The following MAPK6 variants were observed in gnomAD, a reference collection of about 807,000 sequenced individuals.
MAPK6 encodes ERK-3.
In MAPK6, 19 loss-of-function variants were observed where a neutral mutation model predicts 59.3. That is an observed-to-expected ratio of 0.32 (90% confidence interval 0.22 to 0.47). The LOEUF is 0.47. Among genes scored for constraint, MAPK6 ranks in the 20% least tolerant of loss-of-function variants. The probability of loss-of-function intolerance (pLI) is 1.00; values close to 1 mark genes in which losing one functional copy is unlikely to be tolerated. For synonymous variants in MAPK6, 316 were observed against 290.3 expected (o/e 1.09, Z -0.90); for missense variants, 724 against 847.9 (o/e 0.85, Z 1.81).
At chr15:51,994,854 C>A (rs1280876861) in intron 2 of MAPK6, among the ~76,000 whole-genome samples, 1 of 152,108 alleles carries the variant, frequency 6.6e-6, no homozygotes, top group Non-Finnish European at 1.5e-5. Context: ...AATAAATGGC[C>A]TGTAATCTAG....
intron 3 of MAPK6, among the ~76,000 whole-genome samples, chr15:52,058,062 G>C (rs2032052795): frequency 1.3e-5 from 2 of 152,178 alleles, no homozygotes; most frequent in African/African-American, 4.8e-5. Flanking sequence ...TTTTGAGACA[G>C]GGTCTCACTC....
At chr15:52,051,161 C>T (rs2031765271) in intron 3 of MAPK6, among the ~76,000 whole-genome samples, 1 of 152,058 alleles carries the variant, frequency 6.6e-6, no homozygotes, top group South Asian at 2.1e-4. Context: ...AGGTTCACAC[C>T]ATTCTCCTGC....
chr15:51,991,136 AATAT>A lies in MAPK6; in HGVS notation c.-770+7831_-770+7834del, dbSNP rs375294325. ...AGAGCGAAATTCCATCTCAAAAAGA[AATAT>A]ATATATATACACACACACACACACA... On this transcript the variant is annotated intron_variant, in intron 2 of 7. Transcript: ENST00000691380. 1.8e-3 allele frequency among the ~76,000 whole-genome samples: 255 copies of A among 139,476 alleles called. 2 individuals carry two copies. The highest frequency in any genetic ancestry group is 7.0e-3 in the African/African-American group (244 of 34,792). The allele number at this position is 139,476 out of a possible 152,430, so 91.5% of individuals were successfully genotyped here.
At chr15:52,021,875 A>G (rs141586746) in intron 1 of MAPK6, among the ~76,000 whole-genome samples, 31 of 152,116 alleles carry the variant, frequency 2.0e-4, no homozygotes, top group Admixed American at 1.5e-3. Context: ...ATTAGTCACT[A>G]TTTTTCATGG....
At chr15:51,974,825 C>G (rs1431741384) in intron 1 of MAPK6, among the ~76,000 whole-genome samples, 1 of 150,812 alleles carries the variant, frequency 6.6e-6, no homozygotes, top group African/African-American at 2.4e-5. Context: ...TCAAGTGATT[C>G]TCCTGTCTCA....
At chr15:52,043,498 A>G (rs2031492265) in intron 1 of MAPK6, among the ~76,000 whole-genome samples, 1 of 151,868 alleles carries the variant, frequency 6.6e-6, no homozygotes, top group African/African-American at 2.4e-5. Context: ...GGGTTTCTCC[A>G]TGTTGGTAGG....
rs535430008 is a variant in MAPK6 at position 52,064,478 on chromosome 15, T to C, written c.1644T>C (p.Asp548=). Residue 548 remains aspartate (D), a synonymous_variant, in exon 6 of 6, where the codon GAT becomes GAC. Transcript: ENST00000261845. The stretch of plus-strand genomic sequence containing the variant: ...AGCATGAGCCTACTGATGTTGTTGA[T>C]AAATTAAATGACTTGAATAGCTCAG... The part of the protein sequence containing the change: ...SSQHEPTDVV[D]KLNDLNSSVS... The C allele has an allele frequency of 2.5e-6, 4 of 1,608,372 alleles. No individual in the cohort carries two copies. The highest frequency in any genetic ancestry group is 3.4e-6 in the Non-Finnish European group (4 of 1,178,072).
intron 4 of MAPK6, among the ~76,000 whole-genome samples, chr15:52,059,578 G>A (rs774333316): frequency 6.6e-6 from 1 of 152,228 alleles, no homozygotes; most frequent in African/African-American, 2.4e-5. Flanking sequence ...CCACTTCAGA[G>A]TAGTTGTCAC....
chr15:52,014,703 T>TAAAAA (rs796259080), upstream of MAPK6, among the ~76,000 whole-genome samples: 2 of 119,460 alleles, frequency 1.7e-5, no homozygotes, highest in Admixed American at 1.7e-4. Context: ...TGAGATTTTC[T>TAAAAA]AAAAAAAAAA....
chr15:51,984,447 ATTTT>A (rs71130112), intron 2 of MAPK6, among the ~76,000 whole-genome samples: 1,228 of 69,848 alleles, frequency 0.018, 3 homozygotes, highest in African/African-American at 0.073. Context: ...ACGCCGGCTA[ATTTT>A]TTTTTTTTTT....
rs2032445345 is a variant in MAPK6, at chr15:52,067,170, C to T, written c.*2170C>T. On this transcript the variant is annotated 3_prime_UTR_variant, in exon 6 of 6. Transcript: ENST00000261845. ...AAACTTGGCTCCTGGACTTAATCCA[C>T]ATTCGTTAAACTGTCACCTTGGCAG... is the stretch of plus-strand genomic sequence containing the variant. 6.6e-6 allele frequency: 1 copy of T among 152,170 alleles called. No individual in the cohort carries two copies. Among genetic ancestry groups the T allele is most frequent in the South Asian group, 2.1e-4 (1 of 4,830 alleles). 9.4% of individuals were successfully genotyped at this position (152,170 alleles called of 1,614,324 possible).
Position 51,992,267 on chromosome 15 carries a change from T to TTATC in MAPK6, c.-770+8976_-770+8979dup, listed in dbSNP as rs534947314. 4.6e-3 allele frequency among the ~76,000 whole-genome samples: 639 copies of TTATC among 139,920 alleles called. 17 individuals are homozygous for TTATC. The highest frequency in any genetic ancestry group is 0.015 in the African/African-American group (525 of 35,318). The allele number at this position is 139,920 out of a possible 152,430, so 91.8% of individuals were successfully genotyped here. A position where few individuals can be genotyped will look rare whatever the true frequency, so the allele number is the denominator to read the frequency against. ...GCCACCGCACCCGGCTGTCCCTCAT[T>TTATC]TATCTATCTATCTATCTATCTATCT... On this transcript the variant is annotated intron_variant, in intron 2 of 7. Transcript: ENST00000691380.
chr15:51,982,534 T>C (rs1033676009), intron 1 of MAPK6, among the ~76,000 whole-genome samples: 1 of 152,150 alleles, frequency 6.6e-6, no homozygotes, highest in African/African-American at 2.4e-5. Context: ...CACTTACTAA[T>C]TTTTCTTTAG....
intron 2 of MAPK6, among the ~76,000 whole-genome samples, chr15:51,991,214 T>TAC (rs1403936115): frequency 6.6e-6 from 1 of 151,950 alleles, no homozygotes; most frequent in Non-Finnish European, 1.5e-5. Context: ...TGTACATATG[T>TAC]ATATATATGT....
intron 2 of MAPK6, among the ~76,000 whole-genome samples, chr15:51,985,485 T>C (rs1323698173): frequency 6.7e-6 from 1 of 148,208 alleles, no homozygotes; most frequent in Non-Finnish European, 1.5e-5. Context: ...CGAAACCCCA[T>C]ATCTACTAAA....
chr15:52,061,564 G>GT (rs1271076450), intron 5 of MAPK6, 64 bp downstream of exon 5: 29 of 1,232,054 alleles, frequency 2.4e-5, no homozygotes, highest in Middle Eastern at 1.9e-4. Flanking sequence ...TATGTAGTGA[G>GT]TTTTTTTAAA....
intron 2 of MAPK6, among the ~76,000 whole-genome samples, chr15:51,984,426 C>A (rs1379214218): frequency 1.4e-5 from 2 of 147,396 alleles, no homozygotes; most frequent in Non-Finnish European, 3.0e-5. Flanking sequence ...GGACTACAGG[C>A]GCCTGCCAAC....
intron 3 of MAPK6, among the ~76,000 whole-genome samples, chr15:52,055,523 G>A (rs1386310287): frequency 2.6e-5 from 4 of 152,190 alleles, no homozygotes; most frequent in Middle Eastern, 6.8e-3. Context: ...TTTTTTGTTT[G>A]TTTGTTTGTT....
intron 2 of MAPK6, among the ~76,000 whole-genome samples, chr15:51,990,579 G>T (rs2057204953): frequency 6.6e-6 from 1 of 152,170 alleles, no homozygotes; most frequent in South Asian, 2.1e-4. Flanking sequence ...GCTTTCGGAG[G>T]CCGAGGCAGG....
Sources: gnomAD v4.1 joint callset for allele counts (sites outside exome capture counted in the v4.1 genomes callset) on GRCh38, gnomAD v4.1.1 for gene constraint, MANE v1.5 for transcripts, NCBI Gene and HGNC (gene_info 2026-07-23, HGNC 2026-07-21) for gene names.